Variants in CCNB3 observed in about 807,000 individuals in gnomAD.
CCNB3 encodes cyclin B3, also known as G2/mitotic-specific cyclin-B3.
CCNB3 carries 12 observed loss-of-function variants against 68.0 expected under a neutral mutation model. The observed-to-expected ratio is 0.18, with a 90% CI of 0.11 to 0.29. The LOEUF (loss-of-function observed/expected upper bound fraction) is 0.29, where lower values mean the gene tolerates loss of function less well. Ranked by LOEUF, CCNB3 falls within the 10% of genes least tolerant of loss-of-function variation. The pLI is 1.00. For missense variants in CCNB3, 904 were observed against 993.1 expected (o/e 0.91, Z 1.21); for synonymous variants, 354 against 388.9 (o/e 0.91, Z 1.06).
intron 1 of CCNB3, among the ~76,000 whole-genome samples, chrX:50,279,322 T>TATATATTTAA (rs1229759376): frequency 0.019 from 1,386 of 74,291 alleles, 33 homozygotes; most frequent in African/African-American, 0.076. Context: ...TTAATATATA[T>TATATATTTAA]TTAAATATAT....
chrX:50,212,797 G>T (rs1256110268), intron 1 of CCNB3, among the ~76,000 whole-genome samples: 2 of 111,372 alleles, frequency 1.8e-5, no homozygotes, highest in Non-Finnish European at 3.8e-5. Flanking sequence ...TTTGTGACTG[G>T]CTTCTCAACA....
intron 1 of CCNB3, among the ~76,000 whole-genome samples, chrX:50,228,811 A>T (rs1935993092): frequency 1.3e-5 from 1 of 74,223 alleles, no homozygotes; most frequent in Non-Finnish European, 2.4e-5. Flanking sequence ...GATATATAGA[A>T]TATATATATA....
chrX:50,223,164 A>C (rs1935699157), intron 1 of CCNB3, among the ~76,000 whole-genome samples: 1 of 110,808 alleles, frequency 9.0e-6, no homozygotes, highest in Non-Finnish European at 1.9e-5. Flanking sequence ...CAGTTCCTGT[A>C]ACTTTTTATC....
intron 1 of CCNB3, among the ~76,000 whole-genome samples, chrX:50,227,866 T>A (rs1197384228): frequency 2.5e-5 from 2 of 81,488 alleles, no homozygotes; most frequent in Non-Finnish European, 4.5e-5. Context: ...ATATGGAGAA[T>A]ATATAAATAT....
In CCNB3 at chrX:50,313,967, G is replaced by T. The variant is rs376134289; in HGVS notation, c.3516+19G>T. 2.6e-5 allele frequency: 29 copies of T among 1,103,754 alleles called. No individual in the cohort carries two copies. The highest frequency in any genetic ancestry group is 2.2e-4 in the African/African-American group (12 of 55,234). 91.0% of individuals were successfully genotyped at this position (1,103,754 alleles called of 1,213,427 possible). ...GGTGCAGGTAAGCCTGACAACTCCT[G>T]CCTTAAGGAGCTGCTGTTCTCTTTC... is the stretch of plus-strand genomic sequence containing the variant. On this transcript the variant is annotated intron_variant, in intron 8 of 12. Transcript: ENST00000376042.
In CCNB3 at chrX:50,310,233, C is replaced by G. The variant is rs782309824; in HGVS notation, c.2064C>G (p.Ser688=). ...LHVKHTNKSG[S]LFQEALVLQE... ...TTAAGCATACCAACAAAAGTGGGTC[C>G]CTCTTCCAGGAGGCTTTGGTCTTGC... Residue 688 remains serine (S), a synonymous_variant, in exon 6 of 13, where the codon TCC becomes TCG. Transcript: ENST00000376042. 2.5e-6 allele frequency: 3 copies of G among 1,209,617 alleles called. No individual in the cohort carries two copies. In the South Asian group the frequency reaches 5.3e-5, roughly 21 times the overall value.
intron 1 of CCNB3, among the ~76,000 whole-genome samples, chrX:50,279,591 C>T (rs1392174963): frequency 2.4e-5 from 2 of 84,294 alleles, no homozygotes; most frequent in African/African-American, 4.4e-5. Flanking sequence ...AATATATATT[C>T]ATATGTAAAT....
intron 11 of CCNB3, among the ~76,000 whole-genome samples, chrX:50,350,347 A>G (rs1423838070): frequency 1.8e-5 from 2 of 111,688 alleles, no homozygotes; most frequent in African/African-American, 6.5e-5. Flanking sequence ...CTGAGGTCCC[A>G]AGAGGTTAAT....
At chrX:50,289,998 A>G (rs1457382691) in intron 4 of CCNB3, among the ~76,000 whole-genome samples, 1 of 111,884 alleles carries the variant, frequency 8.9e-6, no homozygotes, top group Non-Finnish European at 1.9e-5. Flanking sequence ...TTTACTATCA[A>G]TTGGTAGAAA....
chrX:50,283,670 G>C (rs893739287), intron 1 of CCNB3, among the ~76,000 whole-genome samples: 6 of 110,304 alleles, frequency 5.4e-5, no homozygotes, highest in Admixed American at 4.9e-4. Context: ...TGTTATTTAT[G>C]CTCCCTACTC....
At chrX:50,320,946 G>T (rs1417456715) in intron 8 of CCNB3, among the ~76,000 whole-genome samples, 1 of 110,841 alleles carries the variant, frequency 9.0e-6, no homozygotes, top group Non-Finnish European at 1.9e-5. Context: ...TTTGCAGTAT[G>T]GTATTTCTCT....
At chrX:50,222,189 AGC>A (rs1935684445) in intron 1 of CCNB3, among the ~76,000 whole-genome samples, 1 of 111,406 alleles carries the variant, frequency 9.0e-6, no homozygotes, top group Admixed American at 9.6e-5. Context: ...TCCTGAATAC[AGC>A]ACACCGATGG....
chrX:50,302,210 C>T (rs1379959666), intron 5 of CCNB3, among the ~76,000 whole-genome samples: 2 of 111,977 alleles, frequency 1.8e-5, no homozygotes, highest in Admixed American at 9.4e-5. Flanking sequence ...AGAAATCACC[C>T]GTCTTCTGCG....
At chrX:50,322,557 T>C (rs1350187075) in intron 8 of CCNB3, among the ~76,000 whole-genome samples, 3 of 111,196 alleles carry the variant, frequency 2.7e-5, no homozygotes, top group Non-Finnish European at 3.8e-5. Context: ...GCAACAAAAG[T>C]AAAAATTGAC....
intron 8 of CCNB3, among the ~76,000 whole-genome samples, chrX:50,332,941 G>T (rs782532716): frequency 4.5e-5 from 5 of 111,902 alleles, no homozygotes; most frequent in Middle Eastern, 4.6e-3. Flanking sequence ...TAGTATAGGA[G>T]GAGGCCTATG....
At chrX:50,279,189 C>T (rs1234346642) in intron 1 of CCNB3, among the ~76,000 whole-genome samples, 2 of 15,240 alleles carry the variant, frequency 1.3e-4, no homozygotes, top group Non-Finnish European at 2.3e-4. Flanking sequence ...ATAATATATT[C>T]TCTATATATA....
intron 4 of CCNB3, among the ~76,000 whole-genome samples, chrX:50,290,137 T>G (rs1227517998): frequency 8.9e-6 from 1 of 112,138 alleles, no homozygotes; most frequent in African/African-American, 3.2e-5. Flanking sequence ...TTAGTGTAAC[T>G]TGCCTTGGCC....
intron 8 of CCNB3, among the ~76,000 whole-genome samples, chrX:50,336,895 G>C (rs1162232587): frequency 1.8e-5 from 2 of 111,621 alleles, no homozygotes; most frequent in East Asian, 5.7e-4. Flanking sequence ...CTGTATTAAA[G>C]AGGTACATGA....
At chrX:50,315,274 T>A (rs1921661534) in intron 8 of CCNB3, among the ~76,000 whole-genome samples, 1 of 111,419 alleles carries the variant, frequency 9.0e-6, no homozygotes, top group Admixed American at 9.6e-5. Context: ...TGTATACCCC[T>A]TGAAAGAGAA....
Sources: allele counts gnomAD v4.1 joint callset (sites outside exome capture counted in the v4.1 genomes callset), GRCh38; gene constraint gnomAD v4.1.1; transcripts MANE v1.5; gene names NCBI Gene and HGNC (gene_info 2026-07-23, HGNC 2026-07-21).